Variants in PARVB observed in about 807,000 individuals in gnomAD.
PARVB encodes parvin beta, also known as beta-parvin.
A neutral mutation model predicts 47.0 loss-of-function variants in PARVB; 46 were observed. That is an observed-to-expected ratio of 0.98 (90% CI 0.77 to 1.25). The LOEUF (loss-of-function observed/expected upper bound fraction) is 1.25. PARVB is among the 50% of genes most tolerant of loss of function. The probability of loss-of-function intolerance (pLI) is 0.00; values close to 1 mark genes in which losing one functional copy is unlikely to be tolerated. For synonymous variants in PARVB, 196 were observed against 196.3 expected (o/e 1.00, Z 0.01); for missense variants, 473 against 471.6 (o/e 1.00, Z -0.03).
At position 44,103,992 on chromosome 22, in the gene PARVB, T is replaced by G. The variant is rs1276371646; in HGVS notation, c.273+3869T>G. On this transcript the variant is annotated intron_variant, in intron 3 of 12. Coordinates refer to ENST00000338758, the MANE Select transcript of PARVB (RefSeq NM_013327.5). This position sits in a 1 kb window ranked among gnomAD's most constrained non-coding sequence, Gnocchi z 4.6. ...AATCCACTGAGCCGTTGGAAGCCCC[T>G]GGGTTTGTGTTAATTTGTTACAGTA... The G allele has an allele frequency of 6.6e-6, 1 of 152,246 alleles. No homozygotes were observed. Among genetic ancestry groups the G allele is most frequent in the African/African-American group, 2.4e-5 (1 of 41,474 alleles). 9.4% of individuals were successfully genotyped at this position (152,246 alleles called of 1,614,324 possible).
intron 1 of PARVB, among the ~76,000 whole-genome samples, chr22:44,062,472 T>C (rs989013830): frequency 1.3e-5 from 2 of 152,044 alleles, no homozygotes; most frequent in Non-Finnish European, 2.9e-5. Flanking sequence ...ACCCCATCTC[T>C]ACTAAAAATA....
At chr22:44,135,415 C>T (rs750719015) in intron 6 of PARVB, among the ~76,000 whole-genome samples, 43 of 152,304 alleles carry the variant, frequency 2.8e-4, no homozygotes, top group East Asian at 9.6e-4. Flanking sequence ...CATGCCACCA[C>T]GCCCAGCTAA....
At chr22:44,040,928 G>A (rs988046270) in intron 1 of PARVB, among the ~76,000 whole-genome samples, 1 of 151,968 alleles carries the variant, frequency 6.6e-6, no homozygotes, top group South Asian at 2.1e-4. Flanking sequence ...GTGTGAACCC[G>A]GAAGGCAGAG....
At chr22:44,111,942 C>T (rs1311420624) in intron 3 of PARVB, 1 of 151,836 alleles carries the variant, frequency 6.6e-6, no homozygotes, top group African/African-American at 2.4e-5. Context: ...ACGTCTGCAG[C>T]CTGGGAGGCT....
chr22:44,044,815 A>C (rs1175876712), intron 1 of PARVB, among the ~76,000 whole-genome samples: 1 of 152,110 alleles, frequency 6.6e-6, no homozygotes. Flanking sequence ...CTCTCTTTTT[A>C]TTTTGGATCC....
chr22:44,050,986 C>T (rs1048561601), intron 1 of PARVB, among the ~76,000 whole-genome samples: 1 of 152,108 alleles, frequency 6.6e-6, no homozygotes, highest in Non-Finnish European at 1.5e-5. Context: ...ACAGGGACAC[C>T]CCTTTCAGGC....
At chr22:44,162,541 G>C (rs189164208) in intron 11 of PARVB, among the ~76,000 whole-genome samples, 4 of 152,112 alleles carry the variant, frequency 2.6e-5, no homozygotes, top group Admixed American at 1.3e-4. Flanking sequence ...GGCTGGTCTC[G>C]AATGCCTGAC....
chr22:44,118,510 G>C (rs748424010), intron 3 of PARVB, among the ~76,000 whole-genome samples: 2 of 152,206 alleles, frequency 1.3e-5, no homozygotes, highest in Non-Finnish European at 1.5e-5. Context: ...TTGCTGTCCT[G>C]GGTTAGGGTG....
At chr22:44,164,058 A>G (rs2054111635) in intron 12 of PARVB, 128 bp downstream of exon 12, 1 of 618,696 alleles carries the variant, frequency 1.6e-6, no homozygotes, top group Non-Finnish European at 2.7e-6. Flanking sequence ...GCTCTGGGGC[A>G]AGGGTCTGCC....
chr22:44,033,338 G>A (rs532026791), intron 1 of PARVB, among the ~76,000 whole-genome samples: 2 of 152,220 alleles, frequency 1.3e-5, no homozygotes, highest in African/African-American at 4.8e-5. Flanking sequence ...CACCACTCCC[G>A]GCCCCCAATA....
chr22:44,004,550 G>A (rs2050445172), intron 2 of PARVB, among the ~76,000 whole-genome samples: 1 of 152,172 alleles, frequency 6.6e-6, no homozygotes, highest in African/African-American at 2.4e-5. Flanking sequence ...TGGCTGCAGG[G>A]TCACAAGACC....
chr22:44,129,989 G>A (rs1389824384), intron 4 of PARVB, among the ~76,000 whole-genome samples: 2 of 152,222 alleles, frequency 1.3e-5, no homozygotes, highest in African/African-American at 4.8e-5. Context: ...TATCTTGAAA[G>A]GGATGCCAAA....
intron 1 of PARVB, among the ~76,000 whole-genome samples, chr22:44,087,851 T>TTG (rs1555901317): frequency 1.3e-5 from 2 of 150,858 alleles, no homozygotes; most frequent in Admixed American, 6.6e-5. Context: ...ATGGTGTTTT[T>TTG]TTTTTTTTTT....
upstream of PARVB, among the ~76,000 whole-genome samples, chr22:44,022,934 A>G (rs1422002581): frequency 6.6e-6 from 1 of 151,528 alleles, no homozygotes; most frequent in African/African-American, 2.4e-5. Context: ...TTTAGTAGAG[A>G]TGGGGTTTCA....
At chr22:44,057,903 G>A (rs2051345170) in intron 1 of PARVB, among the ~76,000 whole-genome samples, 1 of 152,042 alleles carries the variant, frequency 6.6e-6, no homozygotes, top group African/African-American at 2.4e-5. Context: ...GAGCTTTGCT[G>A]GAAGCCTGGG....
At chr22:44,062,090 T>C (rs1248853418) in intron 1 of PARVB, among the ~76,000 whole-genome samples, 2 of 152,242 alleles carry the variant, frequency 1.3e-5, no homozygotes, top group African/African-American at 2.4e-5. Context: ...ACCTGCAAAC[T>C]GTTCCTTCCC....
intron 1 of PARVB, among the ~76,000 whole-genome samples, chr22:44,066,331 A>G (rs1354835669): frequency 6.6e-6 from 1 of 152,202 alleles, no homozygotes; most frequent in Non-Finnish European, 1.5e-5. Flanking sequence ...AGGCAGAAAT[A>G]TTTTAGCAAA....
Position 44,132,960 on chromosome 22 carries a change from C to A in PARVB, c.584C>A (p.Ala195Asp). ...LLVSLAMHFR[A>D]PIRLPEHVTV... ...GTCTCTCTGGCCATGCACTTCAGGG[C>A]CCCCATCCGCCTTCCTGAGCATGTA... The change falls in exon 6 of 13, where the codon GCC becomes GAC. Residue 195 changes from alanine (A) to aspartate (D), a missense_variant. Ala to Asp is a moderately radical substitution (Grantham distance 126). Transcript: ENST00000338758. 2 of 1,614,048 alleles carry A rather than the reference C, an allele frequency of 1.2e-6. No individual in the cohort carries two copies. Among genetic ancestry groups the A allele is most frequent in the Non-Finnish European group, 1.7e-6 (2 of 1,179,972 alleles).
intron 1 of PARVB, among the ~76,000 whole-genome samples, chr22:44,058,944 C>T (rs2051367006): frequency 6.6e-6 from 1 of 151,084 alleles, no homozygotes; most frequent in African/African-American, 2.4e-5. Flanking sequence ...CACTCAGTCA[C>T]CCTTCTTGTT....
Sources: allele counts gnomAD v4.1 joint callset (sites outside exome capture counted in the v4.1 genomes callset), GRCh38; gene constraint gnomAD v4.1.1; non-coding constraint Gnocchi (gnomAD v3.1); transcripts MANE v1.5; gene names NCBI Gene and HGNC (gene_info 2026-07-23, HGNC 2026-07-21).